The following SFMBT2 variants were observed in gnomAD, a reference collection of about 807,000 sequenced individuals.
SFMBT2 encodes Scm like with four mbt domains 2.
SFMBT2 carries 38 observed loss-of-function variants against 110.1 expected under a neutral mutation model. The observed-to-expected ratio is 0.35, with a 90% CI of 0.27 to 0.45. SFMBT2 has a LOEUF of 0.45. Among genes scored for constraint, SFMBT2 ranks in the 20% least tolerant of loss-of-function variants. The pLI is 1.00. For synonymous variants in SFMBT2, 425 were observed against 425.4 expected (o/e 1.00, Z 0.01); for missense variants, 1,011 against 1,094.9 (o/e 0.92, Z 1.08).
intron 11 of SFMBT2, chr10:7,214,577 C>T: frequency 1.0e-6 from 1 of 985,454 alleles, no homozygotes; most frequent in Non-Finnish European, 1.2e-6. Context: ...TTATGGGATC[C>T]CCATACTGCT....
intron 4 of SFMBT2, among the ~76,000 whole-genome samples, chr10:7,343,317 T>C (rs780781001): frequency 2.6e-5 from 4 of 152,176 alleles, no homozygotes; most frequent in Non-Finnish European, 5.9e-5. Flanking sequence ...GTTGATTCCA[T>C]GCCTTTGCTA....
In SFMBT2 at chr10:7,191,335, T is replaced by C. The variant is rs116172429; in HGVS notation, c.1699-2602A>G. On this transcript the variant is annotated intron_variant, in intron 15 of 20. Transcript: ENST00000397167. Reference sequence around the variant, plus strand: ...TATCCAGATGCCTGGTGAGAGCACATGGCCGAAACGCTGGGCAGCTCTGGG... The same window carrying C: ...TATCCAGATGCCTGGTGAGAGCACACGGCCGAAACGCTGGGCAGCTCTGGG... Among the ~76,000 whole-genome samples, 1,260 of 152,316 alleles carry C rather than the reference T, an allele frequency of 8.3e-3. 16 individuals are homozygous for C. Among genetic ancestry groups the C allele is most frequent in the African/African-American group, 0.029 (1,204 of 41,566 alleles).
chr10:7,290,109 A>G (rs1489611594), intron 4 of SFMBT2, among the ~76,000 whole-genome samples: 2 of 152,128 alleles, frequency 1.3e-5, no homozygotes, highest in East Asian at 3.8e-4. Flanking sequence ...GCGCCCAACT[A>G]CGGCATCAAA....
In SFMBT2 at chr10:7,171,553, A is replaced by ACACAGCG; in HGVS notation, c.2415+335_2415+341dup. 1 of 985,420 alleles carries ACACAGCG rather than the reference A, an allele frequency of 1.0e-6. No homozygotes were observed. Among genetic ancestry groups the ACACAGCG allele is most frequent in the Non-Finnish European group, 1.2e-6 (1 of 829,912 alleles). 61.0% of individuals were successfully genotyped at this position (985,420 alleles called of 1,614,324 possible). A position where few individuals can be genotyped will look rare whatever the true frequency, so the allele number is the denominator to read the frequency against. On this transcript the variant is annotated intron_variant, in intron 19 of 20. Coordinates refer to ENST00000397167, the MANE Select transcript of SFMBT2 (RefSeq NM_001387889.1). The surrounding 1 kb of genome is among the most constrained non-coding windows in gnomAD (Gnocchi z 4.9). ...CCTATAGAGGGGACGTGGGAGCAAG[A>ACACAGCG]CACAGCGCAGTCAGGGGAGATGCGG...
At chr10:7,214,054 C>T (rs1250003639) in intron 11 of SFMBT2, among the ~76,000 whole-genome samples, 2 of 84,466 alleles carry the variant, frequency 2.4e-5, no homozygotes, top group African/African-American at 8.0e-5. Flanking sequence ...ATGGAGGAGA[C>T]AGAGGAGCAA....
intron 4 of SFMBT2, among the ~76,000 whole-genome samples, chr10:7,338,811 C>T (rs1183066827): frequency 1.3e-5 from 2 of 152,206 alleles, no homozygotes; most frequent in Admixed American, 6.5e-5. Context: ...CACATCCTCC[C>T]TAAGTCAGTC....
At chr10:7,201,910 A>G (rs888172200) in intron 13 of SFMBT2, among the ~76,000 whole-genome samples, 3 of 152,220 alleles carry the variant, frequency 2.0e-5, no homozygotes, top group African/African-American at 7.2e-5. Context: ...TCAGCCTACA[A>G]CTTAAGGCCT....
chr10:7,220,565 G>A (rs781529375), intron 10 of SFMBT2, 28 bp from the exon 11 acceptor site: 2 of 1,613,266 alleles, frequency 1.2e-6, no homozygotes, highest in Non-Finnish European at 1.7e-6. Context: ...CCAACACTGA[G>A]CCAGTGCTGA....
chr10:7,267,494 C>G (rs1841431995), intron 7 of SFMBT2, among the ~76,000 whole-genome samples: 2 of 152,178 alleles, frequency 1.3e-5, no homozygotes, highest in Non-Finnish European at 2.9e-5. Flanking sequence ...GTTGCCCAGG[C>G]TGAAGTGCAG....
At chr10:7,281,116 C>T (rs1841938857) in intron 6 of SFMBT2, among the ~76,000 whole-genome samples, 2 of 152,092 alleles carry the variant, frequency 1.3e-5, no homozygotes, top group South Asian at 4.1e-4. Context: ...GATGGTGGCA[C>T]ATGCCTGTAG....
intron 2 of SFMBT2, among the ~76,000 whole-genome samples, chr10:7,376,676 G>A (rs1421877480): frequency 1.6e-5 from 2 of 123,272 alleles, no homozygotes; most frequent in Admixed American, 2.1e-4. Context: ...TGCAGCCTGG[G>A]TGACAGAGCA....
At chr10:7,286,342 G>T (rs767693107) in intron 4 of SFMBT2, 24 of 926,004 alleles carry the variant, frequency 2.6e-5, no homozygotes, top group Non-Finnish European at 3.1e-5. Context: ...ACCAGGCCCC[G>T]AATTACATGA....
At chr10:7,208,635 A>G (rs12412400) in intron 11 of SFMBT2, among the ~76,000 whole-genome samples, 61,519 of 151,062 alleles carry the variant, frequency 0.41, 13,023 homozygotes, top group Middle Eastern at 0.57. Context: ...GCAGTGAGCC[A>G]AGATCACGCC....
At chr10:7,375,751 C>CCACACACCCA (rs1554811583) in intron 2 of SFMBT2, among the ~76,000 whole-genome samples, 1 of 124,676 alleles carries the variant, frequency 8.0e-6, no homozygotes, top group African/African-American at 3.0e-5. Flanking sequence ...AAAGAAAAAA[C>CCACACACCCA]CACACACACA....
chr10:7,165,968 C>T (rs543979629), intron 20 of SFMBT2, among the ~76,000 whole-genome samples: 1 of 152,320 alleles, frequency 6.6e-6, no homozygotes, highest in African/African-American at 2.4e-5. Context: ...GCCAAATCCA[C>T]ATGTAATACA....
intron 8 of SFMBT2, among the ~76,000 whole-genome samples, chr10:7,248,027 C>A (rs138845586): frequency 2.6e-4 from 39 of 152,244 alleles, no homozygotes; most frequent in African/African-American, 9.1e-4. Context: ...ATATTACAAT[C>A]TTCAAGGACT....
chr10:7,401,247 C>T (rs1335285324), intron 1 of SFMBT2, among the ~76,000 whole-genome samples: 1 of 152,164 alleles, frequency 6.6e-6, no homozygotes, highest in Non-Finnish European at 1.5e-5. Flanking sequence ...TTCATTAGGT[C>T]AATGGGAAAA....
intron 2 of SFMBT2, among the ~76,000 whole-genome samples, chr10:7,378,807 T>G (rs539109482): frequency 6.8e-6 from 1 of 147,968 alleles, no homozygotes; most frequent in South Asian, 2.2e-4. Context: ...GGCTGTGGGG[T>G]GGGCGTGAGT....
intron 4 of SFMBT2, among the ~76,000 whole-genome samples, chr10:7,306,773 T>C (rs1842712187): frequency 6.6e-6 from 1 of 151,526 alleles, no homozygotes; most frequent in South Asian, 2.1e-4. Context: ...GAAAATGATA[T>C]GACAAATGAC....
Sources: gnomAD v4.1 joint callset for allele counts (sites outside exome capture counted in the v4.1 genomes callset) on GRCh38, gnomAD v4.1.1 for gene constraint, Gnocchi (gnomAD v3.1) non-coding constraint, MANE v1.5 for transcripts, NCBI Gene and HGNC (gene_info 2026-07-23, HGNC 2026-07-21) for gene names.